The following TMTC2 variants were observed in gnomAD, a reference collection of about 807,000 sequenced individuals.
TMTC2 encodes the protein transmembrane O-mannosyltransferase targeting cadherins 2.
A neutral mutation model predicts 82.4 loss-of-function variants in TMTC2; 43 were observed. The ratio of observed to expected loss-of-function variants is 0.52; its 90% CI spans 0.41 to 0.67. The LOEUF is 0.67. TMTC2 is among the 30% of genes least tolerant of loss of function. The pLI is 0.00. For missense variants in TMTC2, 919 were observed against 1,012.4 expected, an observed-to-expected ratio of 0.91 and a Z score of 1.25; for synonymous variants, 408 against 381.9, an observed-to-expected ratio of 1.07 and a Z score of -0.80.
Position 82,901,310 on chromosome 12 carries a change from CTTTTTTTTTTTT to C in TMTC2, c.1483+4665_1483+4676del, listed in dbSNP as rs1217460129. On this transcript the variant is annotated intron_variant, in intron 3 of 11. Coordinates refer to ENST00000321196, the MANE Select transcript of TMTC2 (RefSeq NM_152588.3). ...TATATATATATATATATTTTTTTTT[CTTTTTTTTTTTT>C]GAGACAGATTCTCGCTCTGTTGCCC... is the stretch of plus-strand genomic sequence containing the variant. Among the ~76,000 whole-genome samples the C allele has an allele frequency of 3.0e-5, 3 of 99,620 alleles. No homozygotes were observed. The East Asian group carries it at 8.1e-4, about 27-fold the overall frequency. 65.4% of individuals were successfully genotyped at this position (99,620 alleles called of 152,430 possible). A position where few individuals can be genotyped will look rare whatever the true frequency, so the allele number is the denominator to read the frequency against.
intron 2 of TMTC2, among the ~76,000 whole-genome samples, chr12:82,868,349 A>G (rs1871975108): frequency 6.6e-6 from 1 of 152,224 alleles, no homozygotes; most frequent in Non-Finnish European, 1.5e-5. Context: ...CAGTGCTGAT[A>G]ATTGAAAGAA....
intron 9 of TMTC2, among the ~76,000 whole-genome samples, chr12:83,034,099 A>G (rs1881564983): frequency 6.6e-6 from 1 of 151,978 alleles, no homozygotes; most frequent in Non-Finnish European, 1.5e-5. Flanking sequence ...TAATTTTAAT[A>G]TTTATACAGT....
At chr12:82,803,955 G>A (rs73358240) in intron 1 of TMTC2, among the ~76,000 whole-genome samples, 2,158 of 152,100 alleles carry the variant, frequency 0.014, 48 homozygotes, top group African/African-American at 0.049. Flanking sequence ...GTGCCCTTCA[G>A]TGGAATTCTT....
At chr12:82,960,042 G>C (rs1011831840) in intron 4 of TMTC2, among the ~76,000 whole-genome samples, 1 of 151,880 alleles carries the variant, frequency 6.6e-6, no homozygotes, top group African/African-American at 2.4e-5. Flanking sequence ...AAGAAGACAT[G>C]AAAGCTGCCA....
At chr12:82,991,599 A>G (rs549668251) in intron 8 of TMTC2, among the ~76,000 whole-genome samples, 2 of 152,162 alleles carry the variant, frequency 1.3e-5, no homozygotes, top group South Asian at 2.1e-4. Context: ...GACCCAAGTG[A>G]CATCTCTTTA....
At chr12:82,828,952 G>A (rs562103696) in intron 1 of TMTC2, among the ~76,000 whole-genome samples, 12 of 152,008 alleles carry the variant, frequency 7.9e-5, no homozygotes, top group Non-Finnish European at 1.2e-4. Flanking sequence ...CCCTTAAAAC[G>A]AAAATGGAAA....
chr12:82,951,235 T>C (rs1308300190), intron 4 of TMTC2, among the ~76,000 whole-genome samples: 2 of 152,222 alleles, frequency 1.3e-5, no homozygotes, highest in African/African-American at 4.8e-5. Flanking sequence ...TCCATTTTTC[T>C]TAGTTCAATG....
intron 1 of TMTC2, among the ~76,000 whole-genome samples, chr12:82,828,309 G>A (rs898480030): frequency 1.3e-4 from 20 of 151,054 alleles, no homozygotes; most frequent in African/African-American, 4.6e-4. Flanking sequence ...TGCCTCCTGG[G>A]TTCAAGCAAT....
chr12:82,982,420 TATTTA>T (rs1027213637), intron 7 of TMTC2, among the ~76,000 whole-genome samples: 1 of 142,880 alleles, frequency 7.0e-6, no homozygotes, highest in African/African-American at 2.5e-5. Context: ...TTTTTTAACA[TATTTA>T]ATTTATCCAT....
Position 82,749,401 on chromosome 12 carries a change from A to G in TMTC2, c.83+61732A>G, listed in dbSNP as rs116076244. Among the ~76,000 whole-genome samples the G allele has an allele frequency of 1.0e-3, 157 of 152,330 alleles. 1 individual carries two copies. Among genetic ancestry groups the G allele is most frequent in the African/African-American group, 3.6e-3 (149 of 41,568 alleles). Reference sequence around the variant, plus strand: ...GTAGACTTACATTCTCATGGGAGACATGGGAAGCAAACAATTTTTTTACTT... The same window carrying G: ...GTAGACTTACATTCTCATGGGAGACGTGGGAAGCAAACAATTTTTTTACTT... On this transcript the variant is annotated intron_variant, in intron 1 of 11. Coordinates refer to ENST00000321196, the MANE Select transcript of TMTC2 (RefSeq NM_152588.3).
intron 7 of TMTC2, among the ~76,000 whole-genome samples, chr12:82,983,309 C>T (rs1028395081): frequency 2.0e-5 from 3 of 151,816 alleles, no homozygotes; most frequent in African/African-American, 7.3e-5. Context: ...CATATACTTG[C>T]CAAGATGCAT....
intron 11 of TMTC2, among the ~76,000 whole-genome samples, chr12:83,074,861 C>T (rs1883233810): frequency 6.6e-6 from 1 of 152,132 alleles, no homozygotes; most frequent in African/African-American, 2.4e-5. Context: ...TTGCGCTCTC[C>T]CCTAAGCTCC....
In TMTC2 at chr12:82,857,326, G is replaced by T. The variant is rs147838537; in HGVS notation, c.400G>T (p.Ala134Ser). ...TCACCCCATTCACACGGAGGCAGTG[G>T]CAGGAATCGTGGGACGAGCCGATGT... ...ASHPIHTEAV[A>S]GIVGRADVGA... The change falls in exon 2 of 12, where the codon GCA (alanine) becomes TCA (serine). Residue 134 changes from alanine (A) to serine (S), a missense_variant. Ala to Ser is a moderately conservative substitution (Grantham distance 99). Coordinates refer to ENST00000321196, the MANE Select transcript of TMTC2 (RefSeq NM_152588.3). The T allele has an allele frequency of 1.5e-4, 240 of 1,614,046 alleles. No homozygotes were observed. The highest frequency in any genetic ancestry group is 1.8e-4 in the Non-Finnish European group (214 of 1,180,046).
At chr12:82,959,083 A>G (rs1592657474) in intron 4 of TMTC2, among the ~76,000 whole-genome samples, 1 of 152,264 alleles carries the variant, frequency 6.6e-6, no homozygotes, top group African/African-American at 2.4e-5. Context: ...TACAATAGCC[A>G]TATACACACA....
intron 4 of TMTC2, among the ~76,000 whole-genome samples, chr12:82,931,474 T>G (rs528733778): frequency 6.6e-6 from 1 of 152,292 alleles, no homozygotes; most frequent in South Asian, 2.1e-4. Flanking sequence ...TGTGAGTAGA[T>G]AAATGCAAAC....
intron 1 of TMTC2, among the ~76,000 whole-genome samples, chr12:82,837,468 G>A (rs1312892096): frequency 1.3e-5 from 2 of 152,108 alleles, no homozygotes; most frequent in African/African-American, 2.4e-5. Context: ...AAAAGGTTAC[G>A]ATGATGACCT....
At chr12:83,093,455 G>A (rs1278486666) in intron 11 of TMTC2, among the ~76,000 whole-genome samples, 1 of 151,680 alleles carries the variant, frequency 6.6e-6, no homozygotes, top group Non-Finnish European at 1.5e-5. Context: ...ACAGCACTGT[G>A]AATGAATTTC....
chr12:82,692,144 G>T (rs996243153), intron 1 of TMTC2, among the ~76,000 whole-genome samples: 3 of 152,102 alleles, frequency 2.0e-5, no homozygotes, highest in Admixed American at 1.3e-4. Context: ...CCACATACAT[G>T]CATTGAATGG....
At chr12:83,077,809 G>A (rs1334078165) in intron 11 of TMTC2, among the ~76,000 whole-genome samples, 1 of 149,470 alleles carries the variant, frequency 6.7e-6, no homozygotes, top group East Asian at 2.0e-4. Flanking sequence ...TCTTTACCTC[G>A]TGATCCACCT....
Sources: gnomAD v4.1 joint callset for allele counts (sites outside exome capture counted in the v4.1 genomes callset) on GRCh38, gnomAD v4.1.1 for gene constraint, MANE v1.5 for transcripts, NCBI Gene and HGNC (gene_info 2026-07-23, HGNC 2026-07-21) for gene names.